Variants in FAM149A observed in about 807,000 individuals in gnomAD.
FAM149A encodes the protein protein FAM149A.
A neutral mutation model predicts 78.2 loss-of-function variants in FAM149A; 71 were observed. That is an observed-to-expected ratio of 0.91 (90% CI 0.75 to 1.11). The LOEUF (loss-of-function observed/expected upper bound fraction) is 1.11. Ranked by LOEUF, FAM149A falls within the 50% of genes least tolerant of loss-of-function variation. FAM149A has a pLI of 0.00. For synonymous variants in FAM149A, 446 were observed against 410.5 expected (o/e 1.09, Z -1.04); for missense variants, 1,036 against 971.0 (o/e 1.07, Z -0.89).
In FAM149A at chr4:186,154,605, T is replaced by C. The variant is rs756192368; in HGVS notation, c.1196T>C (p.Ile399Thr). The change falls in exon 6 of 14, where the codon ATT becomes ACT. Residue 399 changes from isoleucine (I) to threonine (T), a missense_variant. Coordinates refer to ENST00000389354, the MANE Select transcript of FAM149A (RefSeq NM_001367768.3). ...GAGGTTTACCATGTGGATGGAAAGA[T>C]TGAGGAGTATTTCGCTTTTGACAGA... is the stretch of plus-strand genomic sequence containing the variant. 2.3e-5 allele frequency: 37 copies of C among 1,613,976 alleles called. No individual in the cohort carries two copies. Among genetic ancestry groups the C allele is most frequent in the East Asian group, 8.9e-5 (4 of 44,892 alleles).
chr4:186,133,932 A>G (rs2099321804), intron 1 of FAM149A, among the ~76,000 whole-genome samples: 1 of 152,314 alleles, frequency 6.6e-6, no homozygotes, highest in Non-Finnish European at 1.5e-5. Context: ...TTGGGATTAC[A>G]GGTATGAGCC....
chr4:186,158,742 C>A, intron 8 of FAM149A: 1 of 1,074,222 alleles, frequency 9.3e-7, no homozygotes, highest in South Asian at 2.9e-5. Context: ...CCTATTCAGC[C>A]GTCCCTACTG....
chr4:186,142,030 T>A (rs2099326006), intron 1 of FAM149A, among the ~76,000 whole-genome samples: 1 of 152,138 alleles, frequency 6.6e-6, no homozygotes, highest in South Asian at 2.1e-4. Context: ...GAAAGCAGGC[T>A]GAGAGGCTAC....
chr4:186,163,076 G>A, intron 9 of FAM149A, 128 bp downstream of exon 9: 1 of 661,056 alleles, frequency 1.5e-6, no homozygotes, highest in South Asian at 1.9e-5. Flanking sequence ...ATGTGCCTGA[G>A]CACGTCTGGA....
Position 186,105,514 on chromosome 4 carries a change from G to T in FAM149A, c.438G>T (p.Gln146His). 3 of 1,164,748 alleles carry T rather than the reference G, an allele frequency of 2.6e-6. No individual in the cohort carries two copies. The highest frequency in any genetic ancestry group is 3.2e-6 in the Non-Finnish European group (3 of 936,688). The allele number at this position is 1,164,748 out of a possible 1,614,324, so 72.2% of individuals were successfully genotyped here. The change falls in exon 1 of 14, where the codon CAG (glutamine) becomes CAT (histidine). Residue 146 changes from glutamine (Q) to histidine (H), a missense_variant. Around this residue, in one of 3 missense-constraint regions of FAM149A, gnomAD observed 316 missense variants for 241.9 expected, o/e 1.31. Transcript: ENST00000389354. The stretch of plus-strand genomic sequence containing the variant: ...CCGCGCTCCCCAGGAACCCGCTCCA[G>T]CCTGGCCCCGGAGAGCGAGAGCTCG...
In FAM149A at chr4:186,163,250, T is replaced by G. The variant is rs548729029; in HGVS notation, c.1680-174T>G. ...ACCTTAGCCCTCTGCCTGTGGATGA[T>G]TCTTCATTGAAACAGAAACAGAAAT... On this transcript the variant is annotated intron_variant, in intron 9 of 13. Transcript: ENST00000389354. 5.9e-5 allele frequency among the ~76,000 whole-genome samples: 9 copies of G among 152,356 alleles called. No individual in the cohort carries two copies. The South Asian group carries it at 1.4e-3, about 25-fold the overall frequency.
chr4:186,158,929 T>C, intron 8 of FAM149A: 1 of 417,664 alleles, frequency 2.4e-6, no homozygotes, highest in Non-Finnish European at 3.2e-6. Flanking sequence ...AACAATGATA[T>C]TCGGGTCTGT....
intron 1 of FAM149A, chr4:186,110,020 G>A (rs2099310547): frequency 1.0e-6 from 1 of 985,278 alleles, no homozygotes; most frequent in African/African-American, 1.7e-5. Context: ...TCATACATTT[G>A]TGTAGCCCTT....
At chr4:186,153,850 A>G in intron 5 of FAM149A, 80 bp downstream of exon 5, 1 of 1,480,040 alleles carries the variant, frequency 6.8e-7, no homozygotes, top group South Asian at 1.3e-5. Context: ...CTCATCTATA[A>G]GCCTTGGCTC....
intron 11 of FAM149A, among the ~76,000 whole-genome samples, chr4:186,165,944 G>A (rs190483455): frequency 4.6e-5 from 7 of 152,324 alleles, no homozygotes; most frequent in African/African-American, 1.4e-4. Context: ...GATTCCTGAC[G>A]TGAAATTATG....
intron 1 of FAM149A, among the ~76,000 whole-genome samples, chr4:186,124,804 G>A (rs2126313196): frequency 6.6e-6 from 1 of 152,224 alleles, no homozygotes; most frequent in East Asian, 1.9e-4. Flanking sequence ...GGGTCAAATG[G>A]TATTTCTAGT....
Position 186,105,228 on chromosome 4 carries a change from C to A in FAM149A, c.152C>A (p.Ala51Asp), listed in dbSNP as rs532124963. The A allele has an allele frequency of 1.6e-6, 2 of 1,248,646 alleles. No individual in the cohort carries two copies. Among genetic ancestry groups the A allele is most frequent in the South Asian group, 2.6e-5 (2 of 77,234 alleles). 77.3% of individuals were successfully genotyped at this position (1,248,646 alleles called of 1,614,324 possible). ...AGGGCGGGCACCCCGTTGGGTACCG[C>A]CCCGACCCTCCTCCGCGCCCTGGCT... The change falls in exon 1 of 14, where the codon GCC (alanine) becomes GAC (aspartate). Residue 51 changes from alanine (A) to aspartate (D), a missense_variant. Ala to Asp is a moderately radical substitution (Grantham distance 126). This residue lies in a region of FAM149A where 316 missense variants were observed against 241.9 expected (regional missense o/e 1.31). Transcript: ENST00000389354.
intron 1 of FAM149A, among the ~76,000 whole-genome samples, chr4:186,142,602 C>T (rs1037600786): frequency 6.6e-6 from 1 of 152,154 alleles, no homozygotes; most frequent in African/African-American, 2.4e-5. Context: ...GCTTCTGCCT[C>T]GCTTTCTTGG....
In FAM149A at chr4:186,152,049, G is replaced by A; in HGVS notation, c.932+4G>A. 1 of 1,613,368 alleles carries A rather than the reference G, an allele frequency of 6.2e-7. No individual in the cohort carries two copies. The highest frequency in any genetic ancestry group is 8.5e-7 in the Non-Finnish European group (1 of 1,179,962). On this transcript the variant is annotated splice_donor_region_variant and intron_variant, in intron 4 of 13. Transcript: ENST00000389354. ...CAAGAAGATCCCTCCATTTGAGGTG[G>A]GACCTTGGTGGTGGAAGTTCTCTGG...
At position 186,120,671 on chromosome 4, in the gene FAM149A, G is replaced by T. The variant is rs370045567; in HGVS notation, c.566+15029G>T. ...TAGCCAGGCATGGTGGTGCGTGCCT[G>T]TAGTCCCAGCTACTCAGGAGGCTGA... On this transcript the variant is annotated intron_variant, in intron 1 of 13. Transcript: ENST00000389354. 2.6e-3 allele frequency among the ~76,000 whole-genome samples: 387 copies of T among 150,098 alleles called. 2 individuals are homozygous for T. In the East Asian group the frequency reaches 0.032, roughly 13 times the overall value.
chr4:186,164,450 C>A lies in FAM149A; in HGVS notation c.1889+817C>A. The A allele has an allele frequency of 1.0e-6, 1 of 985,308 alleles. No individual in the cohort carries two copies. Among genetic ancestry groups the A allele is most frequent in the Non-Finnish European group, 1.2e-6 (1 of 829,842 alleles). The allele number at this position is 985,308 out of a possible 1,614,324, so 61.0% of individuals were successfully genotyped here. ...TGTTATCAGGAGCCGAGCTCAGGAGCGGGCGGCTGCCAACGCTTACCTGGC... is the reference window on the plus strand; with the variant it reads ...TGTTATCAGGAGCCGAGCTCAGGAGAGGGCGGCTGCCAACGCTTACCTGGC... On this transcript the variant is annotated intron_variant, in intron 10 of 13. Coordinates refer to ENST00000389354, the MANE Select transcript of FAM149A (RefSeq NM_001367768.3). The surrounding 1 kb of genome is among the most constrained non-coding windows in gnomAD (Gnocchi z 4.0).
intron 10 of FAM149A, among the ~76,000 whole-genome samples, chr4:186,165,053 A>G (rs1380359010): frequency 6.6e-6 from 1 of 151,568 alleles, no homozygotes; most frequent in Non-Finnish European, 1.5e-5. Context: ...ACCCGCCTGG[A>G]TTCTCACCTG....
intron 1 of FAM149A, among the ~76,000 whole-genome samples, chr4:186,141,899 G>C (rs1172947826): frequency 6.6e-6 from 1 of 152,168 alleles, no homozygotes; most frequent in Non-Finnish European, 1.5e-5. Context: ...CTAATGGATG[G>C]GGTGAACTCT....
intron 1 of FAM149A, chr4:186,126,177 T>C: frequency 9.6e-6 from 8 of 831,480 alleles, no homozygotes; most frequent in South Asian, 5.5e-5. Context: ...TAGGGGTACC[T>C]CGAGTAAGCC....
Sources: gnomAD v4.1 joint callset for allele counts (sites outside exome capture counted in the v4.1 genomes callset) on GRCh38, gnomAD v4.1.1 for gene constraint, gnomAD v4.1.1 regional missense constraint, Gnocchi (gnomAD v3.1) non-coding constraint, MANE v1.5 for transcripts, NCBI Gene and HGNC (gene_info 2026-07-23, HGNC 2026-07-21) for gene names.